Variants in RPH3A observed in about 807,000 individuals in gnomAD.
RPH3A encodes the protein rabphilin 3A, also known as rabphilin-3A.
RPH3A carries 48 observed loss-of-function variants against 102.2 expected under a neutral mutation model. That is an observed-to-expected ratio of 0.47 (90% confidence interval 0.37 to 0.60). RPH3A has a LOEUF of 0.60. Ranked by LOEUF, RPH3A falls within the 20% of genes least tolerant of loss-of-function variation. The pLI is 0.00. For synonymous variants in RPH3A, 310 were observed against 324.3 expected (o/e 0.96, Z 0.47); for missense variants, 781 against 910.1 (o/e 0.86, Z 1.83).
At chr12:112,597,385 C>T (rs1008672258) in intron 1 of RPH3A, among the ~76,000 whole-genome samples, 1 of 152,050 alleles carries the variant, frequency 6.6e-6, no homozygotes, top group Non-Finnish European at 1.5e-5. Context: ...GAGTTTAAGA[C>T]CAGCCCGGGC....
At chr12:112,740,305 C>T (rs1289728607) in intron 1 of RPH3A, among the ~76,000 whole-genome samples, 1 of 152,148 alleles carries the variant, frequency 6.6e-6, no homozygotes, top group Non-Finnish European at 1.5e-5. Flanking sequence ...CATGCATTTC[C>T]CGCAACAATT....
Position 112,896,901 on chromosome 12 carries a change from A to G in RPH3A, c.*121A>G. 5 of 1,133,318 alleles carry G rather than the reference A, an allele frequency of 4.4e-6. No individual in the cohort carries two copies. Among genetic ancestry groups the G allele is most frequent in the Non-Finnish European group, 6.2e-6 (5 of 801,094 alleles). 70.2% of individuals were successfully genotyped at this position (1,133,318 alleles called of 1,614,324 possible). A position where few individuals can be genotyped will look rare whatever the true frequency, so the allele number is the denominator to read the frequency against. ...CCCCCATACCCTGCTGATCTCCCTG[A>G]GCCTGCCTTTGAGCCCCCGTCACGT... On this transcript the variant is annotated 3_prime_UTR_variant, in exon 22 of 22. Coordinates refer to ENST00000389385, the MANE Select transcript of RPH3A (RefSeq NM_001143854.2).
At chr12:112,631,858 A>G (rs1322320773) in intron 1 of RPH3A, among the ~76,000 whole-genome samples, 4 of 152,078 alleles carry the variant, frequency 2.6e-5, no homozygotes, top group Non-Finnish European at 5.9e-5. Flanking sequence ...TACTAATGTA[A>G]TTTAGCTACA....
chr12:112,888,399 A>G (rs2043038843), intron 17 of RPH3A, among the ~76,000 whole-genome samples: 1 of 152,244 alleles, frequency 6.6e-6, no homozygotes, highest in South Asian at 2.1e-4. Flanking sequence ...TTAGTGTAGG[A>G]AATATTGCTG....
intron 1 of RPH3A, among the ~76,000 whole-genome samples, chr12:112,607,718 G>T (rs1328806965): frequency 6.6e-6 from 1 of 152,174 alleles, no homozygotes; most frequent in Non-Finnish European, 1.5e-5. Flanking sequence ...CTTGAGTGTG[G>T]CTCTTGGTGA....
chr12:112,616,548 A>G (rs1269510983), intron 1 of RPH3A, among the ~76,000 whole-genome samples: 2 of 152,192 alleles, frequency 1.3e-5, no homozygotes, highest in East Asian at 3.8e-4. Flanking sequence ...TAATTCCAAG[A>G]CAAAATCTTG....
chr12:112,756,381 T>C (rs1400881571), intron 1 of RPH3A, among the ~76,000 whole-genome samples: 1 of 152,144 alleles, frequency 6.6e-6, no homozygotes, highest in East Asian at 1.9e-4. Context: ...CCCAGCTAAT[T>C]TTGTATTTTT....
chr12:112,790,707 T>A (rs73425030), upstream of RPH3A, among the ~76,000 whole-genome samples: 1,008 of 152,352 alleles, frequency 6.6e-3, 13 homozygotes, highest in African/African-American at 0.023. Context: ...GTCCATATAG[T>A]GAATTCACTT....
At chr12:112,819,087 G>A (rs957727144) in intron 2 of RPH3A, among the ~76,000 whole-genome samples, 11 of 151,586 alleles carry the variant, frequency 7.3e-5, no homozygotes, top group African/African-American at 2.7e-4. Flanking sequence ...ATATATTTGA[G>A]ATATATATAT....
rs1479177713 is a variant in RPH3A at position 112,898,591 on chromosome 12, T to C, written c.*1811T>C. The C allele has an allele frequency of 6.6e-6, 1 of 152,290 alleles. No homozygotes were observed. Among genetic ancestry groups the C allele is most frequent in the Admixed American group, 6.5e-5 (1 of 15,272 alleles). The allele number at this position is 152,290 out of a possible 1,614,324, so 9.4% of individuals were successfully genotyped here. On this transcript the variant is annotated 3_prime_UTR_variant, in exon 22 of 22. Transcript: ENST00000389385. ...GCTGCCATCTTTCCTTTTGACCTTA[T>C]CTTTCCCCATTAGTCCCTGGTGGCA...
chr12:112,815,526 T>C (rs1164970947), intron 2 of RPH3A, among the ~76,000 whole-genome samples: 1 of 152,190 alleles, frequency 6.6e-6, no homozygotes, highest in Non-Finnish European at 1.5e-5. Context: ...CCAGGACTGC[T>C]GCCATTTTTT....
chr12:112,889,080 T>G (rs2043050302), intron 17 of RPH3A, among the ~76,000 whole-genome samples: 1 of 152,236 alleles, frequency 6.6e-6, no homozygotes, highest in African/African-American at 2.4e-5. Context: ...GAGGATGGAA[T>G]GTCTGCATGC....
At chr12:112,856,220 A>G (rs944967517) in intron 5 of RPH3A, among the ~76,000 whole-genome samples, 13 of 152,224 alleles carry the variant, frequency 8.5e-5, no homozygotes, top group African/African-American at 3.1e-4. Context: ...TTGTACATCC[A>G]TTAACCTTTT....
chr12:112,669,049 A>G (rs1279548240), intron 1 of RPH3A, among the ~76,000 whole-genome samples: 4 of 152,306 alleles, frequency 2.6e-5, no homozygotes, highest in Non-Finnish European at 5.9e-5. Context: ...AATCCACCAG[A>G]CAGCAATACA....
chr12:112,881,244 A>G lies in RPH3A; in HGVS notation c.1252-528A>G, dbSNP rs79527772. Among the ~76,000 whole-genome samples, 897 of 152,300 alleles carry G rather than the reference A, an allele frequency of 5.9e-3. 7 individuals are homozygous for G. The highest frequency in any genetic ancestry group is 9.4e-3 in the Non-Finnish European group (638 of 68,024). On this transcript the variant is annotated intron_variant, in intron 14 of 21. Transcript: ENST00000389385. ...TACCTACCCTAAGCTTCCTTCCTCT[A>G]TAGTATCTTATCTGAGCCTCATCCC...
At chr12:112,856,159 GT>G (rs1403592563) in intron 5 of RPH3A, among the ~76,000 whole-genome samples, 1 of 152,220 alleles carries the variant, frequency 6.6e-6, no homozygotes, top group African/African-American at 2.4e-5. Context: ...GGTGCAGGGT[GT>G]CTCTCCCAGG....
chr12:112,592,146 G>A (rs1409141549), intron 1 of RPH3A, among the ~76,000 whole-genome samples: 3 of 152,258 alleles, frequency 2.0e-5, no homozygotes, highest in Non-Finnish European at 2.9e-5. Flanking sequence ...GGAGGCTGAG[G>A]TGGGTGCATC....
chr12:112,640,099 T>C (rs994562404), intron 1 of RPH3A, among the ~76,000 whole-genome samples: 6 of 149,908 alleles, frequency 4.0e-5, no homozygotes, highest in Non-Finnish European at 8.9e-5. Context: ...GGCAGGTGAA[T>C]CACTTGAGGT....
rs541024916 is a variant in RPH3A at position 112,618,670 on chromosome 12, T to G, written c.-140+43351T>G. Among the ~76,000 whole-genome samples the G allele has an allele frequency of 2.1e-4, 32 of 152,346 alleles. 1 individual carries two copies. The highest frequency in any genetic ancestry group is 1.2e-3 in the Admixed American group (19 of 15,304). On this transcript the variant is annotated intron_variant, in intron 1 of 21. Transcript: ENST00000543106. ...AAGTAGGATCATACTACACATATTA[T>G]TTTATAATTTGCCTTTGAAAATAGC...
Sources: gnomAD v4.1 joint callset for allele counts (sites outside exome capture counted in the v4.1 genomes callset) on GRCh38, gnomAD v4.1.1 for gene constraint, MANE v1.5 for transcripts, NCBI Gene and HGNC (gene_info 2026-07-23, HGNC 2026-07-21) for gene names.